Variants in NFIL3 observed in about 807,000 individuals in gnomAD.
NFIL3 encodes the protein nuclear factor, interleukin 3 regulated.
Under a neutral mutation model 10.0 loss-of-function variants are expected in NFIL3, and 5 were observed. That is an observed-to-expected ratio of 0.50 (90% CI 0.26 to 1.06). NFIL3 has a LOEUF of 1.06. Among genes scored for constraint, NFIL3 ranks in the 50% least tolerant of loss-of-function variants. The probability of loss-of-function intolerance (pLI) is 0.13; values close to 1 mark genes in which losing one functional copy is unlikely to be tolerated. For synonymous variants in NFIL3, 202 were observed against 206.5 expected, an observed-to-expected ratio of 0.98 and a Z score of 0.19; for missense variants, 436 against 547.6, an observed-to-expected ratio of 0.80 and a Z score of 2.03.
chr9:91,412,153 T>G (rs1240774723), intron 1 of NFIL3, among the ~76,000 whole-genome samples: 2 of 149,294 alleles, frequency 1.3e-5, no homozygotes, highest in Non-Finnish European at 3.0e-5. Context: ...ACACTTACTA[T>G]TCAAAGGGGG....
rs765922078 is a variant in NFIL3, at chr9:91,410,946, G to A, written c.-172-40C>T. On this transcript the variant is annotated intron_variant, in intron 1 of 1. Transcript: ENST00000297689. This position sits in a 1 kb window ranked among gnomAD's most constrained non-coding sequence, Gnocchi z 5.7. ...TAAAAAAAAAACCAGTTATTCACTG[G>A]ATAAATGTTTATTACAAATTATGTA... 1 of 499,416 alleles carries A rather than the reference G, an allele frequency of 2.0e-6. No homozygotes were observed. The highest frequency in any genetic ancestry group is 2.0e-5 in the African/African-American group (1 of 50,436). 30.9% of individuals were successfully genotyped at this position (499,416 alleles called of 1,614,324 possible). A position where few individuals can be genotyped will look rare whatever the true frequency, so the allele number is the denominator to read the frequency against.
the NFIL3 span, among the ~76,000 whole-genome samples, chr9:91,442,361 C>G: frequency 6.6e-6 from 1 of 152,140 alleles, no homozygotes; most frequent in Admixed American, 6.5e-5. Context: ...CTCTTGCTAC[C>G]TTTTAAATTC....
the NFIL3 span, among the ~76,000 whole-genome samples, chr9:91,462,826 G>T: frequency 9.2e-6 from 1 of 108,324 alleles, no homozygotes; most frequent in Admixed American, 1.3e-4. Flanking sequence ...TGTTTTTTTT[G>T]GGGGTGGGGG....
chr9:91,476,688 A>G, the NFIL3 span, among the ~76,000 whole-genome samples: 108 of 152,322 alleles, frequency 7.1e-4, 1 homozygote, highest in African/African-American at 2.5e-3. Flanking sequence ...AAAACAAAAA[A>G]TCTCTGTGAT....
At chr9:91,427,646 GTTT>G (rs869166981), upstream of NFIL3, among the ~76,000 whole-genome samples, 14 of 137,074 alleles carry the variant, frequency 1.0e-4, no homozygotes, top group South Asian at 2.3e-4. Flanking sequence ...TGTTGTTGTT[GTTT>G]TTGTTTTTGA....
At chr9:91,468,166 G>T in the NFIL3 span, among the ~76,000 whole-genome samples, 6 of 152,294 alleles carry the variant, frequency 3.9e-5, no homozygotes, top group South Asian at 2.1e-4. Context: ...GTGTAAAAGA[G>T]TTCCTATTTC....
At position 91,410,112 on chromosome 9, in the gene NFIL3, C is replaced by T. The variant is rs752231634; in HGVS notation, c.623G>A (p.Cys208Tyr). The T allele has an allele frequency of 1.5e-5, 25 of 1,614,102 alleles. No homozygotes were observed. Among genetic ancestry groups the T allele is most frequent in the Non-Finnish European group, 2.0e-5 (24 of 1,180,036 alleles). Reference protein sequence around the residue: ...HTQESSVQGSCRSPENKFQII... With the variant: ...HTQESSVQGSYRSPENKFQII... ...CTGGAACTTGTTTTCAGGACTTCTG[C>T]AGCTTCCCTGCACAGAGCTCTCCTG... Residue 208 changes from cysteine (C) to tyrosine (Y), a missense_variant, in exon 2 of 2, where the codon TGC becomes TAC. Physicochemically the swap from Cys to Tyr is radical, Grantham distance 194. Coordinates refer to ENST00000297689, the MANE Select transcript of NFIL3 (RefSeq NM_005384.3). This position sits in a 1 kb window ranked among gnomAD's most constrained non-coding sequence, Gnocchi z 5.7.
At chr9:91,479,763 A>G in the NFIL3 span, among the ~76,000 whole-genome samples, 10 of 152,200 alleles carry the variant, frequency 6.6e-5, no homozygotes, top group Non-Finnish European at 1.5e-4. Context: ...TTGTGCTTGA[A>G]ACCCAGGGCC....
At chr9:91,424,177 C>T (rs1032389459), upstream of NFIL3, among the ~76,000 whole-genome samples, 1 of 152,014 alleles carries the variant, frequency 6.6e-6, no homozygotes, top group South Asian at 2.1e-4. Flanking sequence ...GCCCGGGAGC[C>T]CCCCGTCCCA....
At chr9:91,448,926 G>A in the NFIL3 span, among the ~76,000 whole-genome samples, 151,654 of 152,326 alleles carry the variant, frequency 1, 75,496 homozygotes, top group Middle Eastern at 1. Context: ...ATAATTTTCA[G>A]TATACAAGTC....
the NFIL3 span, among the ~76,000 whole-genome samples, chr9:91,478,978 G>A: frequency 6.6e-6 from 1 of 152,246 alleles, no homozygotes; most frequent in Admixed American, 6.5e-5. Flanking sequence ...AGCAGAGGCT[G>A]CAGAACACAA....
At chr9:91,437,264 T>A in the NFIL3 span, among the ~76,000 whole-genome samples, 2 of 152,248 alleles carry the variant, frequency 1.3e-5, no homozygotes, top group Non-Finnish European at 2.9e-5. Flanking sequence ...TTCACATCCA[T>A]ACAATTTACC....
chr9:91,427,616 GTTT>G (rs869209944), upstream of NFIL3, among the ~76,000 whole-genome samples: 1 of 97,066 alleles, frequency 1.0e-5, no homozygotes, highest in Admixed American at 9.6e-5. Flanking sequence ...ATAGCATACC[GTTT>G]TTGTTGTTGT....
chr9:91,432,795 A>G, the NFIL3 span, among the ~76,000 whole-genome samples: 4 of 152,164 alleles, frequency 2.6e-5, no homozygotes, highest in Non-Finnish European at 4.4e-5. Context: ...AGTATGATAT[A>G]TATTGCTAAA....
chr9:91,475,951 C>T, the NFIL3 span, among the ~76,000 whole-genome samples: 6 of 152,306 alleles, frequency 3.9e-5, no homozygotes, highest in Non-Finnish European at 7.3e-5. Context: ...AAAGAAGCTG[C>T]CTTGTTCACT....
chr9:91,477,281 A>G, the NFIL3 span, among the ~76,000 whole-genome samples: 1 of 152,118 alleles, frequency 6.6e-6, no homozygotes, highest in Non-Finnish European at 1.5e-5. Flanking sequence ...GTCACTCTCC[A>G]TCTCAGCGAC....
chr9:91,420,047 G>T (rs559786624), intron 1 of NFIL3, among the ~76,000 whole-genome samples: 13 of 152,048 alleles, frequency 8.5e-5, no homozygotes, highest in Non-Finnish European at 1.5e-4. Flanking sequence ...AAGGGAATTG[G>T]AAAAAGCTGA....
At chr9:91,420,512 G>C (rs1216086338) in intron 1 of NFIL3, among the ~76,000 whole-genome samples, 1 of 152,084 alleles carries the variant, frequency 6.6e-6, no homozygotes, top group African/African-American at 2.4e-5. Flanking sequence ...GACAGTGTTG[G>C]AAGATAACAA....
the NFIL3 span, among the ~76,000 whole-genome samples, chr9:91,429,801 G>A: frequency 2.0e-5 from 3 of 152,042 alleles, no homozygotes; most frequent in Admixed American, 6.5e-5. Context: ...AAAAGAGCCA[G>A]CTCTCGGGCA....
Sources: allele counts gnomAD v4.1 joint callset (sites outside exome capture counted in the v4.1 genomes callset), GRCh38; gene constraint gnomAD v4.1.1; non-coding constraint Gnocchi (gnomAD v3.1); transcripts MANE v1.5; gene names NCBI Gene and HGNC (gene_info 2026-07-23, HGNC 2026-07-21).